Variants in YEATS2 observed in about 807,000 individuals in gnomAD.
The protein encoded by YEATS2 is YEATS domain-containing protein 2.
YEATS2 carries 77 observed loss-of-function variants against 163.2 expected under a neutral mutation model. The ratio of observed to expected loss-of-function variants is 0.47; its 90% CI spans 0.39 to 0.57. The LOEUF (loss-of-function observed/expected upper bound fraction) is 0.57. Among genes scored for constraint, YEATS2 ranks in the 20% least tolerant of loss-of-function variants. The pLI is 0.00. For missense variants in YEATS2, 1,549 were observed against 1,729.8 expected, an observed-to-expected ratio of 0.90 and a Z score of 1.85; for synonymous variants, 631 against 645.1, an observed-to-expected ratio of 0.98 and a Z score of 0.33.
intron 21 of YEATS2, among the ~76,000 whole-genome samples, chr3:183,797,175 A>C (rs1334649858): frequency 6.6e-6 from 1 of 150,864 alleles, no homozygotes; most frequent in Non-Finnish European, 1.5e-5. Flanking sequence ...AGGCCTAGGC[A>C]GGAGAATCGC....
chr3:183,722,842 C>G (rs566720309), intron 5 of YEATS2, among the ~76,000 whole-genome samples: 2 of 151,986 alleles, frequency 1.3e-5, no homozygotes, highest in Non-Finnish European at 2.9e-5. Context: ...TTAGTAGAGA[C>G]GAGGTTTCAC....
intron 8 of YEATS2, among the ~76,000 whole-genome samples, chr3:183,741,968 G>C (rs1028759884): frequency 7.9e-5 from 12 of 151,814 alleles, no homozygotes; most frequent in African/African-American, 2.7e-4. Context: ...CAGCCCTTTG[G>C]GAGGCCAAGG....
At chr3:183,734,225 A>G (rs182882243) in intron 7 of YEATS2, among the ~76,000 whole-genome samples, 8 of 152,250 alleles carry the variant, frequency 5.3e-5, no homozygotes, top group Admixed American at 2.0e-4. Context: ...TACTGTGCGT[A>G]CTGGGGAGAG....
rs184767895 is a variant in YEATS2, at chr3:183,736,714, A to G, written c.813-4A>G. ...TGAACGTGTTAATATCTGCTTTTCC[A>G]TAGAGAGCCTCCTTTTCACCTGACC... On this transcript the variant is annotated splice_polypyrimidine_tract_variant and splice_region_variant and intron_variant, in intron 7 of 30. Coordinates refer to ENST00000305135, the MANE Select transcript of YEATS2 (RefSeq NM_018023.5). The G allele has an allele frequency of 1.8e-4, 296 of 1,611,308 alleles. No homozygotes were observed. In the African/African-American group the frequency reaches 3.4e-3, roughly 18 times the overall value.
chr3:183,769,062 A>G (rs140193000), intron 15 of YEATS2, among the ~76,000 whole-genome samples: 119 of 152,334 alleles, frequency 7.8e-4, no homozygotes, highest in African/African-American at 2.5e-3. Context: ...TCTTGTCTTC[A>G]TTCTAGGTTA....
Position 183,722,060 on chromosome 3 carries a change from A to G in YEATS2, c.461A>G (p.Asp154Gly), listed in dbSNP as rs1716551809. 6.2e-7 allele frequency: 1 copy of G among 1,614,038 alleles called. No homozygotes were observed. The highest frequency in any genetic ancestry group is 1.6e-4 in the Middle Eastern group (1 of 6,084). Residue 154 changes from aspartate to glycine, a missense_variant, in exon 5 of 31, where the codon GAT becomes GGT. By Grantham distance (94) the Asp-to-Gly change is moderately conservative. Coordinates refer to ENST00000305135, the MANE Select transcript of YEATS2 (RefSeq NM_018023.5). ...SQHNDFLSDK[D>G]NNSNMDIEER... is the part of the protein sequence containing the mutation. The stretch of plus-strand genomic sequence containing the variant: ...CACAATGACTTCTTATCTGACAAAG[A>G]TAATAACAGCAATATGGATATAGAG...
intron 1 of YEATS2, among the ~76,000 whole-genome samples, chr3:183,712,374 A>G (rs148477484): frequency 1.3e-5 from 2 of 151,090 alleles, no homozygotes; most frequent in African/African-American, 4.9e-5. Context: ...ATGCCCAGCT[A>G]ATTTTTTTGT....
chr3:183,698,524 C>T (rs919608520), intron 1 of YEATS2, among the ~76,000 whole-genome samples: 3 of 152,148 alleles, frequency 2.0e-5, no homozygotes, highest in Non-Finnish European at 4.4e-5. Context: ...AGTGAGGACT[C>T]CTGCAGGAAA....
intron 20 of YEATS2, 151 bp from the exon 21 acceptor site, chr3:183,790,646 T>C (rs2108481385): frequency 1.3e-6 from 1 of 780,202 alleles, no homozygotes; most frequent in Non-Finnish European, 1.9e-6. Context: ...ACTAGAGAAG[T>C]AATCTTTTTT....
chr3:183,791,821 G>A (rs936137385), intron 21 of YEATS2, among the ~76,000 whole-genome samples: 2 of 152,134 alleles, frequency 1.3e-5, no homozygotes, highest in African/African-American at 4.8e-5. Flanking sequence ...GCACTAGAGG[G>A]CCTCAGAAAA....
At chr3:183,712,329 G>C (rs192956382) in intron 1 of YEATS2, among the ~76,000 whole-genome samples, 1 of 150,544 alleles carries the variant, frequency 6.6e-6, no homozygotes, top group Non-Finnish European at 1.5e-5. Context: ...ATGCCTCAGC[G>C]TCCTGAGTAG....
intron 9 of YEATS2, among the ~76,000 whole-genome samples, chr3:183,749,360 C>G (rs962738391): frequency 1.3e-4 from 20 of 152,142 alleles, no homozygotes; most frequent in Non-Finnish European, 2.6e-4. Flanking sequence ...ATTATGCAGC[C>G]ATGACCTTAG....
At chr3:183,772,771 A>C (rs1220754910) in intron 16 of YEATS2, among the ~76,000 whole-genome samples, 2 of 151,356 alleles carry the variant, frequency 1.3e-5, no homozygotes, top group Non-Finnish European at 2.9e-5. Context: ...ACACACACAC[A>C]CACACACCCA....
chr3:183,725,945 A>C (rs1717047367), intron 6 of YEATS2, among the ~76,000 whole-genome samples: 1 of 152,194 alleles, frequency 6.6e-6, no homozygotes, highest in African/African-American at 2.4e-5. Context: ...TCTAAGGCAA[A>C]CCAGAGAGGT....
chr3:183,785,488 CAAAAAAAAA>C (rs146941322), intron 19 of YEATS2, among the ~76,000 whole-genome samples: 1 of 52,272 alleles, frequency 1.9e-5, no homozygotes, highest in African/African-American at 7.0e-5. Context: ...GACTCTGTCT[CAAAAAAAAA>C]AAAAAAAAAA....
At chr3:183,744,270 G>A (rs771782812) in intron 8 of YEATS2, among the ~76,000 whole-genome samples, 1 of 151,496 alleles carries the variant, frequency 6.6e-6, no homozygotes, top group Non-Finnish European at 1.5e-5. Context: ...CCGCCACCAC[G>A]CACGGCTAAT....
intron 6 of YEATS2, among the ~76,000 whole-genome samples, chr3:183,726,914 G>C (rs1354972806): frequency 1.3e-5 from 2 of 152,104 alleles, no homozygotes; most frequent in Non-Finnish European, 2.9e-5. Context: ...CGATTCTCCT[G>C]CGTCAGCCTC....
intron 21 of YEATS2, among the ~76,000 whole-genome samples, chr3:183,796,548 G>T (rs904720499): frequency 6.7e-6 from 1 of 150,348 alleles, no homozygotes; most frequent in Admixed American, 6.7e-5. Context: ...GAGGTGTGGT[G>T]TGTAGACAGA....
In YEATS2 at chr3:183,756,574, G is replaced by A. The variant is rs754272988; in HGVS notation, c.1437G>A (p.Pro479=). The part of the protein sequence containing the change: ...TPSPSPLPRT[P]TSTPVHVKQG... ...GCCCATCACCATTGCCTCGAACCCC[G>A]ACTTCCACTCCAGTCCACGTGAAGC... is the stretch of plus-strand genomic sequence containing the variant. Residue 479 remains proline (P), a synonymous_variant, in exon 12 of 31, where the codon CCG becomes CCA. Transcript: ENST00000305135. The A allele has an allele frequency of 2.2e-5, 35 of 1,605,228 alleles. No individual in the cohort carries two copies. Among genetic ancestry groups the A allele is most frequent in the Middle Eastern group, 1.7e-4 (1 of 6,032 alleles).
Sources: gnomAD v4.1 joint callset for allele counts (sites outside exome capture counted in the v4.1 genomes callset) on GRCh38, gnomAD v4.1.1 for gene constraint, MANE v1.5 for transcripts, NCBI Gene and HGNC (gene_info 2026-07-23, HGNC 2026-07-21) for gene names.